BOP1: variants seen among roughly 807,000 people sequenced by gnomAD.
BOP1 encodes the protein BOP1 ribosomal biogenesis factor.
In BOP1, 54 loss-of-function variants were observed where a neutral mutation model predicts 82.9. The observed-to-expected ratio is 0.65, with a 90% confidence interval of 0.52 to 0.82. BOP1 has a LOEUF of 0.82. BOP1 is among the 40% of genes least tolerant of loss of function. The pLI is 0.00. For synonymous variants in BOP1, 566 were observed against 451.1 expected, an observed-to-expected ratio of 1.25 and a Z score of -3.23; for missense variants, 1,170 against 1,072.0, an observed-to-expected ratio of 1.09 and a Z score of -1.28.
intron 2 of BOP1, among the ~76,000 whole-genome samples, chr8:144,288,078 C>T (rs543838561): frequency 1.3e-5 from 2 of 152,088 alleles, no homozygotes; most frequent in East Asian, 3.9e-4. Context: ...CCAGCCTGGC[C>T]AACATGGTGA....
At chr8:144,288,593 T>C (rs1554839727) in intron 2 of BOP1, among the ~76,000 whole-genome samples, 1 of 152,166 alleles carries the variant, frequency 6.6e-6, no homozygotes, top group African/African-American at 2.4e-5. Flanking sequence ...TTTTCTCCTG[T>C]TGTTCTCAAT....
At chr8:144,270,076 G>A (rs1428093136) in intron 3 of BOP1, among the ~76,000 whole-genome samples, 1 of 152,198 alleles carries the variant, frequency 6.6e-6, no homozygotes, top group East Asian at 1.9e-4. Flanking sequence ...CAACCTCAGT[G>A]GCCGGTCAAC....
At chr8:144,268,942 GGAGGGGGGGGCTCCCAGCCCCAGC>G (rs1414710063) in intron 3 of BOP1, among the ~76,000 whole-genome samples, 1 of 133,140 alleles carries the variant, frequency 7.5e-6, no homozygotes, top group Non-Finnish European at 1.7e-5. Flanking sequence ...GCTGCCCAGC[GGAGGGGGGGGCTCCCAGCCCCAGC>G]GAGGGCAGTG....
At chr8:144,266,807 G>A (rs1176607998) in intron 3 of BOP1, 2 of 1,152,988 alleles carry the variant, frequency 1.7e-6, no homozygotes, top group Non-Finnish European at 2.1e-6. Flanking sequence ...GGGGGCGGGG[G>A]GCCAGGGGGC....
In BOP1 at chr8:144,264,305, C is replaced by T. The variant is rs1027468097; in HGVS notation, c.898G>A (p.Val300Ile). 4.2e-5 allele frequency: 67 copies of T among 1,610,964 alleles called. No homozygotes were observed. The highest frequency in any genetic ancestry group is 1.8e-4 in the Middle Eastern group (1 of 5,594). ...NAVLGRHKMH[V>I]PAPKLALPGH... ...GGCAGGGCCAGCTTGGGAGCAGGTA[C>T]GTGCATCTTGTGGCGCCCGAGCACG... is the stretch of plus-strand genomic sequence containing the variant. The change falls in exon 7 of 16, where the codon GTA (valine) becomes ATA (isoleucine). Residue 300 changes from valine to isoleucine, a missense_variant. Val to Ile is a conservative substitution (Grantham distance 29). Coordinates refer to ENST00000569669, the MANE Select transcript of BOP1 (RefSeq NM_015201.5).
At chr8:144,264,681 C>G in intron 5 of BOP1, 33 bp downstream of exon 5, 3 of 1,563,950 alleles carry the variant, frequency 1.9e-6, no homozygotes, top group Non-Finnish European at 2.6e-6. Flanking sequence ...CTCCAGGACC[C>G]CCGCCGCCCA....
chr8:144,279,317 C>T (rs930744757), intron 2 of BOP1, among the ~76,000 whole-genome samples: 2 of 148,110 alleles, frequency 1.4e-5, no homozygotes, highest in Non-Finnish European at 3.0e-5. Context: ...TGGGCCCTGA[C>T]GATCACAGGC....
chr8:144,266,955 T>C, intron 3 of BOP1: 1 of 1,558,764 alleles, frequency 6.4e-7, no homozygotes, highest in Non-Finnish European at 8.6e-7. Context: ...TCTCCAAGAT[T>C]GAGACGCTGC....
intron 3 of BOP1, among the ~76,000 whole-genome samples, chr8:144,273,660 C>G (rs1414082648): frequency 1.3e-5 from 2 of 152,246 alleles, no homozygotes; most frequent in Admixed American, 1.3e-4. Context: ...CTTGCCCCGC[C>G]CCTCCACCCC....
chr8:144,288,906 G>A (rs1814957876), intron 2 of BOP1, among the ~76,000 whole-genome samples, 189 bp downstream of exon 2: 2 of 152,230 alleles, frequency 1.3e-5, no homozygotes, highest in South Asian at 2.1e-4. Flanking sequence ...GAGTTCCTGG[G>A]AACGGCACGC....
chr8:144,286,720 G>A (rs1814887679), intron 2 of BOP1, among the ~76,000 whole-genome samples: 1 of 152,260 alleles, frequency 6.6e-6, no homozygotes, highest in Non-Finnish European at 1.5e-5. Context: ...GGAACTCTGA[G>A]GACCGCCCCA....
At chr8:144,278,900 G>A (rs1455605408) in intron 2 of BOP1, among the ~76,000 whole-genome samples, 4 of 152,220 alleles carry the variant, frequency 2.6e-5, no homozygotes, top group African/African-American at 9.6e-5. Flanking sequence ...ACATCAGCAG[G>A]AACTGAAAAG....
chr8:144,289,077 G>A lies in BOP1; in HGVS notation c.309+18C>T, dbSNP rs201823349. Reference sequence around the variant, plus strand: ...GCACATGGGGGACAGCCCTCGAGGGGGCTCCTCGCTCACCCACCTGCACCT... The same window carrying A: ...GCACATGGGGGACAGCCCTCGAGGGAGCTCCTCGCTCACCCACCTGCACCT... On this transcript the variant is annotated intron_variant, in intron 2 of 15. Coordinates refer to ENST00000569669, the MANE Select transcript of BOP1 (RefSeq NM_015201.5). 6.2e-7 allele frequency: 1 copy of A among 1,613,688 alleles called. No individual in the cohort carries two copies. Among genetic ancestry groups the A allele is most frequent in the South Asian group, 1.1e-5 (1 of 91,072 alleles).
At chr8:144,282,371 G>A (rs924751218) in intron 2 of BOP1, among the ~76,000 whole-genome samples, 2 of 152,204 alleles carry the variant, frequency 1.3e-5, no homozygotes, top group Non-Finnish European at 2.9e-5. Flanking sequence ...CAGAACTCGT[G>A]GGTCATCAGG....
intron 3 of BOP1, chr8:144,267,065 A>T: frequency 6.9e-7 from 1 of 1,441,922 alleles, no homozygotes; most frequent in Non-Finnish European, 9.1e-7. Context: ...GCCTTCTTCC[A>T]CGCGGCGCGC....
intron 2 of BOP1, among the ~76,000 whole-genome samples, chr8:144,280,707 G>A (rs1254535033): frequency 2.6e-5 from 4 of 152,196 alleles, no homozygotes; most frequent in South Asian, 2.1e-4. Context: ...CAAAAAATTA[G>A]CTGGGCTTGG....
At chr8:144,276,388 C>T in intron 2 of BOP1, 84 bp from the exon 3 acceptor site, 1 of 1,477,296 alleles carries the variant, frequency 6.8e-7, no homozygotes, top group Non-Finnish European at 9.3e-7. Flanking sequence ...GCCCACCACC[C>T]CGAAATCTCT....
At position 144,263,576 on chromosome 8, in the gene BOP1, C is replaced by T. The variant is rs1845285748; in HGVS notation, c.1326G>A (p.Val442=). 1 of 1,603,816 alleles carries T rather than the reference C, an allele frequency of 6.2e-7. No individual in the cohort carries two copies. The highest frequency in any genetic ancestry group is 1.1e-5 in the South Asian group (1 of 91,020). ...CAGTCCTCACACAGCGGGCAGTGGC[C>T]ACCTCCCAGAGCCGCAGGGAGCCGT... ...SDDGSLRLWE[V]ATARCVRTVP... Residue 442 remains valine (V), a synonymous_variant, in exon 11 of 16, where the codon GTG becomes GTA. Transcript: ENST00000569669.
In BOP1 at chr8:144,272,654, C is replaced by T. The variant is rs1041166431; in HGVS notation, c.390+3570G>A. ...CAGGCCAGGGCCCCCACCACCCTTG[C>T]AGCCCACAAGCAGGAGGACGCGGCT... On this transcript the variant is annotated intron_variant, in intron 3 of 15. Coordinates refer to ENST00000569669, the MANE Select transcript of BOP1 (RefSeq NM_015201.5). 9.2e-5 allele frequency among the ~76,000 whole-genome samples: 14 copies of T among 152,202 alleles called. No homozygotes were observed. In the East Asian group the frequency reaches 2.5e-3, roughly 27 times the overall value.
Sources: allele counts gnomAD v4.1 joint callset (sites outside exome capture counted in the v4.1 genomes callset), GRCh38; gene constraint gnomAD v4.1.1; transcripts MANE v1.5; gene names NCBI Gene and HGNC (gene_info 2026-07-23, HGNC 2026-07-21).